The following PARD3 variants were observed in gnomAD, a reference collection of about 807,000 sequenced individuals.
PARD3 encodes par-3 family cell polarity regulator, also known as partitioning defective 3 homolog.
PARD3 carries 75 observed loss-of-function variants against 155.4 expected under a neutral mutation model. That is an observed-to-expected ratio of 0.48 (90% CI 0.40 to 0.58). The LOEUF (loss-of-function observed/expected upper bound fraction) is 0.58, where lower values mean the gene tolerates loss of function less well. Ranked by LOEUF, PARD3 falls within the 20% of genes least tolerant of loss-of-function variation. The pLI is 0.00. For missense variants in PARD3, 1,642 were observed against 1,721.7 expected, an observed-to-expected ratio of 0.95 and a Z score of 0.82; for synonymous variants, 576 against 610.5, an observed-to-expected ratio of 0.94 and a Z score of 0.83.
intron 20 of PARD3, among the ~76,000 whole-genome samples, chr10:34,298,442 C>T (rs1957008870): frequency 6.6e-6 from 1 of 152,204 alleles, no homozygotes; most frequent in South Asian, 2.1e-4. Flanking sequence ...CTGACACACA[C>T]TACAACACGG....
chr10:34,240,841 G>C (rs528206928), intron 22 of PARD3, among the ~76,000 whole-genome samples: 2 of 152,020 alleles, frequency 1.3e-5, no homozygotes, highest in Non-Finnish European at 2.9e-5. Flanking sequence ...GAAGGACCTC[G>C]AGCAGACAAC....
chr10:34,153,108 CT>C (rs34310957), intron 22 of PARD3, among the ~76,000 whole-genome samples: 42 of 151,842 alleles, frequency 2.8e-4, no homozygotes, highest in African/African-American at 7.0e-4. Context: ...TGGGGGAAAA[CT>C]TTTTTTTTGA....
chr10:34,701,333 ATGTTGT>A (rs34806804), intron 1 of PARD3, among the ~76,000 whole-genome samples: 2,624 of 149,956 alleles, frequency 0.017, 65 homozygotes, highest in African/African-American at 0.059. Context: ...ACACGCGGGG[ATGTTGT>A]TGTTGTTGTT....
rs570303585 is a variant in PARD3, at chr10:34,734,838, A to T, written c.121-38419T>A. Among the ~76,000 whole-genome samples the T allele has an allele frequency of 1.1e-3, 163 of 152,328 alleles. 1 individual carries two copies. The highest frequency in any genetic ancestry group is 3.8e-3 in the African/African-American group (159 of 41,586). ...GTGAGGCCTTCTTAAGCAAGACACT[A>T]GATGTTAATACCCAAAAGCCAGGAA... On this transcript the variant is annotated intron_variant, in intron 1 of 24. Coordinates refer to ENST00000374788, the MANE Select transcript of PARD3 (RefSeq NM_001184785.2).
At chr10:34,369,312 AT>A (rs1564635350) in intron 12 of PARD3, among the ~76,000 whole-genome samples, 2 of 51,446 alleles carry the variant, frequency 3.9e-5, no homozygotes, top group African/African-American at 1.3e-4. Flanking sequence ...TTATTTATTT[AT>A]TTGTTTATTT....
chr10:34,687,755 AG>A (rs946401569), intron 2 of PARD3, among the ~76,000 whole-genome samples: 15 of 150,532 alleles, frequency 1.0e-4, no homozygotes, highest in African/African-American at 3.6e-4. Flanking sequence ...CATGGGGAAG[AG>A]GAAGACTTTC....
At chr10:34,157,508 C>T (rs1167554489) in intron 22 of PARD3, among the ~76,000 whole-genome samples, 1 of 152,136 alleles carries the variant, frequency 6.6e-6, no homozygotes, top group Non-Finnish European at 1.5e-5. Flanking sequence ...ATTTTTTCTT[C>T]TTTTACAAGT....
chr10:34,149,828 ATGT>A (rs916235987), intron 22 of PARD3, among the ~76,000 whole-genome samples: 20 of 152,148 alleles, frequency 1.3e-4, no homozygotes, highest in African/African-American at 4.1e-4. Context: ...TAAGGATTTG[ATGT>A]TGTTCTTTTT....
chr10:34,440,924 C>T (rs2076428852), intron 5 of PARD3, among the ~76,000 whole-genome samples: 1 of 151,188 alleles, frequency 6.6e-6, no homozygotes, highest in African/African-American at 2.5e-5. Context: ...AAACTACACA[C>T]GCCCGCCAAA....
chr10:34,324,449 G>A (rs1448120253), intron 19 of PARD3, among the ~76,000 whole-genome samples: 2 of 152,214 alleles, frequency 1.3e-5, no homozygotes, highest in African/African-American at 4.8e-5. Context: ...CACATTAGAG[G>A]GCTGGGGAAG....
intron 23 of PARD3, among the ~76,000 whole-genome samples, chr10:34,128,362 GAA>G (rs1947401166): frequency 1.3e-5 from 2 of 152,116 alleles, no homozygotes; most frequent in Admixed American, 1.3e-4. Context: ...TCCATTTAAA[GAA>G]AAGGAAATGT....
chr10:34,544,306 T>C (rs567145680), intron 2 of PARD3, among the ~76,000 whole-genome samples: 15 of 152,340 alleles, frequency 9.8e-5, no homozygotes, highest in African/African-American at 3.4e-4. Flanking sequence ...ACTTAGATGC[T>C]ATCAAAATCC....
At chr10:34,650,905 G>C (rs934589826) in intron 2 of PARD3, among the ~76,000 whole-genome samples, 1 of 151,576 alleles carries the variant, frequency 6.6e-6, no homozygotes, top group South Asian at 2.1e-4. Context: ...CAGCTACTCG[G>C]GAGGCTGAGG....
intron 2 of PARD3, among the ~76,000 whole-genome samples, chr10:34,625,517 G>C (rs774758537): frequency 6.6e-6 from 1 of 152,224 alleles, no homozygotes. Flanking sequence ...ACACAACGTA[G>C]CTAGAAAAGT....
At chr10:34,637,439 G>A (rs2092519135) in intron 2 of PARD3, among the ~76,000 whole-genome samples, 2 of 152,230 alleles carry the variant, frequency 1.3e-5, no homozygotes, top group South Asian at 4.1e-4. Flanking sequence ...ACAAGTGTTA[G>A]TTTTAATTAC....
intron 2 of PARD3, among the ~76,000 whole-genome samples, chr10:34,526,747 A>G (rs895051061): frequency 6.6e-6 from 1 of 152,188 alleles, no homozygotes; most frequent in African/African-American, 2.4e-5. Context: ...ATGCAGGGAA[A>G]GTAGGAGTCC....
At chr10:34,133,713 A>G (rs1400704420) in intron 22 of PARD3, among the ~76,000 whole-genome samples, 1 of 152,246 alleles carries the variant, frequency 6.6e-6, no homozygotes, top group Admixed American at 6.5e-5. Flanking sequence ...TCAAACGGAC[A>G]TAAGTCTACA....
chr10:34,300,676 G>A (rs1221036815), intron 20 of PARD3, among the ~76,000 whole-genome samples: 3 of 151,852 alleles, frequency 2.0e-5, no homozygotes, highest in Non-Finnish European at 4.4e-5. Flanking sequence ...TTTAAAGCTT[G>A]GACTTTGACA....
At chr10:34,605,555 ATCTCCTATATATATATATATCTCC>A (rs1564405187) in intron 2 of PARD3, among the ~76,000 whole-genome samples, 7 of 69,974 alleles carry the variant, frequency 1.0e-4, no homozygotes, top group African/African-American at 4.4e-4. Context: ...ATATATATAT[ATCTCCTATATATATATATATCTCC>A]TATATATATC....
Sources: allele counts gnomAD v4.1 joint callset (sites outside exome capture counted in the v4.1 genomes callset), GRCh38; gene constraint gnomAD v4.1.1; transcripts MANE v1.5; gene names NCBI Gene and HGNC (gene_info 2026-07-23, HGNC 2026-07-21).